Variants in SPMIP7 observed in about 807,000 individuals in gnomAD.
SPMIP7 encodes sperm microtubule inner protein 7.
At chr7:50,104,445 T>G in the SPMIP7 span, 1 of 972,230 alleles carries the variant, frequency 1.0e-6, no homozygotes, top group Admixed American at 3.0e-5. Flanking sequence ...TTATATATAA[T>G]TAGTTTATTT....
At chr7:50,140,128 T>A in the SPMIP7 span, 1 of 1,488,390 alleles carries the variant, frequency 6.7e-7, no homozygotes, top group Non-Finnish European at 9.0e-7. Flanking sequence ...GCCTCTCTTC[T>A]CTTTTTTGAA....
At chr7:50,098,824 T>G in the SPMIP7 span, among the ~76,000 whole-genome samples, 1 of 75,004 alleles carries the variant, frequency 1.3e-5, no homozygotes, top group Non-Finnish European at 2.8e-5. Context: ...GAGTTAGGCT[T>G]CAACACACGA....
chr7:50,142,568 G>C, the SPMIP7 span: 3 of 152,080 alleles, frequency 2.0e-5, no homozygotes, highest in Non-Finnish European at 4.4e-5. Context: ...AATTTTTAAC[G>C]GAATCTTAAC....
At chr7:50,113,219 A>G in the SPMIP7 span, among the ~76,000 whole-genome samples, 9 of 152,280 alleles carry the variant, frequency 5.9e-5, no homozygotes, top group South Asian at 1.5e-3. Flanking sequence ...ATTTGCTGGA[A>G]AAAAAATCCA....
the SPMIP7 span, among the ~76,000 whole-genome samples, chr7:50,147,799 G>A: frequency 6.6e-6 from 1 of 152,142 alleles, no homozygotes; most frequent in Admixed American, 6.6e-5. Context: ...TTATCAATTA[G>A]TGAACAAAAT....
chr7:50,138,517 C>G, the SPMIP7 span, among the ~76,000 whole-genome samples: 1 of 152,142 alleles, frequency 6.6e-6, no homozygotes. Context: ...ATCTGATTTT[C>G]TGGTTTTTAG....
At chr7:50,107,518 G>A in the SPMIP7 span, among the ~76,000 whole-genome samples, 1 of 151,832 alleles carries the variant, frequency 6.6e-6, no homozygotes, top group African/African-American at 2.4e-5. Flanking sequence ...GAGGTAATTG[G>A]AGAATTGGAG....
chr7:50,121,974 C>CAT, the SPMIP7 span, among the ~76,000 whole-genome samples: 127,064 of 151,894 alleles, frequency 0.84, 53,185 homozygotes, highest in East Asian at 0.92. Flanking sequence ...TTAATAGTAA[C>CAT]ATTCACAGGT....
chr7:50,153,942 C>T, the SPMIP7 span, among the ~76,000 whole-genome samples: 1 of 152,186 alleles, frequency 6.6e-6, no homozygotes, highest in Admixed American at 6.5e-5. Context: ...GAGGCTTTAT[C>T]AACACGTCTC....
At chr7:50,143,339 T>A in the SPMIP7 span, among the ~76,000 whole-genome samples, 3 of 152,086 alleles carry the variant, frequency 2.0e-5, no homozygotes, top group Admixed American at 6.5e-5. Context: ...TAATTTTTTG[T>A]ATTTTTAGTA....
At chr7:50,097,693 A>AAC in the SPMIP7 span, among the ~76,000 whole-genome samples, 2 of 151,712 alleles carry the variant, frequency 1.3e-5, no homozygotes, top group African/African-American at 4.8e-5. Flanking sequence ...TAAAAAAAAA[A>AAC]AAAAACTCAC....
the SPMIP7 span, among the ~76,000 whole-genome samples, chr7:50,146,313 A>G: frequency 3.9e-5 from 6 of 152,222 alleles, no homozygotes; most frequent in African/African-American, 1.2e-4. Context: ...AAAAGTCCAG[A>G]GAACTGGCCT....
chr7:50,131,175 G>T, the SPMIP7 span, among the ~76,000 whole-genome samples: 1 of 152,152 alleles, frequency 6.6e-6, no homozygotes, highest in African/African-American at 2.4e-5. Context: ...TTGGGGGAGA[G>T]TGCTGGCAGA....
chr7:50,111,958 T>C, the SPMIP7 span, among the ~76,000 whole-genome samples: 3 of 152,184 alleles, frequency 2.0e-5, no homozygotes, highest in South Asian at 4.1e-4. Flanking sequence ...TATTTAGCAG[T>C]AAATGAAACA....
the SPMIP7 span, among the ~76,000 whole-genome samples, chr7:50,112,611 A>T: frequency 6.6e-6 from 1 of 152,308 alleles, no homozygotes; most frequent in Admixed American, 6.5e-5. Flanking sequence ...CAAATAGAAA[A>T]CTGGACAAAT....
the SPMIP7 span, among the ~76,000 whole-genome samples, chr7:50,118,099 A>G: frequency 1.3e-5 from 2 of 152,216 alleles, no homozygotes; most frequent in African/African-American, 2.4e-5. Context: ...GATTGATCCA[A>G]GTCAACTCCC....
At chr7:50,107,015 T>A in the SPMIP7 span, among the ~76,000 whole-genome samples, 5 of 152,098 alleles carry the variant, frequency 3.3e-5, no homozygotes, top group Admixed American at 3.3e-4. Flanking sequence ...GGTGGGCGGA[T>A]CACCTGAGGT....
chr7:50,116,810 A>G, the SPMIP7 span, among the ~76,000 whole-genome samples: 1 of 152,214 alleles, frequency 6.6e-6, no homozygotes, highest in African/African-American at 2.4e-5. Flanking sequence ...TAGAGGGGAA[A>G]AATTCAATAT....
the SPMIP7 span, among the ~76,000 whole-genome samples, chr7:50,150,571 C>T: frequency 6.6e-6 from 1 of 152,216 alleles, no homozygotes; most frequent in Non-Finnish European, 1.5e-5. Context: ...TTTTCCTCAA[C>T]TCCTTGCAGC....
Sources: gnomAD v4.1 joint callset for allele counts (sites outside exome capture counted in the v4.1 genomes callset) on GRCh38, gnomAD v4.1.1 for gene constraint, MANE v1.5 for transcripts, NCBI Gene and HGNC (gene_info 2026-07-23, HGNC 2026-07-21) for gene names.